Variants in CRIP2 observed in about 807,000 individuals in gnomAD.
CRIP2 encodes the protein cysteine rich protein 2.
A neutral mutation model predicts 31.3 loss-of-function variants in CRIP2; 31 were observed. That is an observed-to-expected ratio of 0.99 (90% confidence interval 0.74 to 1.34). The LOEUF is 1.34. Ranked by LOEUF, CRIP2 falls within the 40% of genes most tolerant of loss-of-function variation. The pLI is 0.00. For synonymous variants in CRIP2, 177 were observed against 127.2 expected, an observed-to-expected ratio of 1.39 and a Z score of -2.63; for missense variants, 389 against 301.6, an observed-to-expected ratio of 1.29 and a Z score of -2.15.
Position 105,476,145 on chromosome 14 carries a change from G to C in CRIP2, c.43+1240G>C, listed in dbSNP as rs1285805053. The C allele has an allele frequency of 8.1e-6, 8 of 985,338 alleles. No homozygotes were observed. The African/African-American group carries it at 1.4e-4, about 17-fold the overall frequency. 61.0% of individuals were successfully genotyped at this position (985,338 alleles called of 1,614,324 possible). A position where few individuals can be genotyped will look rare whatever the true frequency, so the allele number is the denominator to read the frequency against. ...GAGGGCTGTCTCTGTAAGGCTTAGG[G>C]TGGGAGACGGTCCCCAGGGCCCTTC... On this transcript the variant is annotated intron_variant, in intron 1 of 7. Transcript: ENST00000329146.
chr14:105,478,556 G>A lies in CRIP2; in HGVS notation c.196+49G>A, dbSNP rs782594564. 8 of 1,577,806 alleles carry A rather than the reference G, an allele frequency of 5.1e-6. No homozygotes were observed. Among genetic ancestry groups the A allele is most frequent in the Non-Finnish European group, 6.9e-6 (8 of 1,163,596 alleles). On this transcript the variant is annotated intron_variant, in intron 3 of 7. Transcript: ENST00000329146. This position sits in a 1 kb window ranked among gnomAD's most constrained non-coding sequence, Gnocchi z 4.9. ...TGCCCTGGGACCTGCTGGGAGGGGC[G>A]TGGCGCTGGCGCTGGGGAGGGCTGG...
At chr14:105,476,669 C>G (rs587671353) in intron 1 of CRIP2, 2 of 985,402 alleles carry the variant, frequency 2.0e-6, no homozygotes, top group South Asian at 4.7e-5. Flanking sequence ...CTGCCACGGC[C>G]GATAGCCACC....
intron 1 of CRIP2, among the ~76,000 whole-genome samples, chr14:105,477,777 G>A (rs1452007558): frequency 3.3e-5 from 2 of 61,450 alleles, no homozygotes; most frequent in Non-Finnish European, 7.1e-5. Context: ...TGTGTGAGAG[G>A]AAGGTGTGTG....
Position 105,479,238 on chromosome 14 carries a change from G to A in CRIP2, c.501+19G>A. On this transcript the variant is annotated intron_variant, in intron 6 of 7. Coordinates refer to ENST00000329146, the MANE Select transcript of CRIP2 (RefSeq NM_001312.4). Reference sequence around the variant, plus strand: ...CGCGGAGGTGAGGGGAGTGCAACGGGGCTTGGGGGCCGGGCAGGGGCGCGG... The same window carrying A: ...CGCGGAGGTGAGGGGAGTGCAACGGAGCTTGGGGGCCGGGCAGGGGCGCGG... 6.2e-7 allele frequency: 1 copy of A among 1,602,304 alleles called. No homozygotes were observed. Among genetic ancestry groups the A allele is most frequent in the Non-Finnish European group, 8.5e-7 (1 of 1,175,268 alleles).
Position 105,478,780 on chromosome 14 carries a change from G to C in CRIP2, c.246G>C (p.Ala82=), listed in dbSNP as rs1555436510. The C allele has an allele frequency of 7.0e-7, 1 of 1,432,720 alleles. No individual in the cohort carries two copies. Among genetic ancestry groups the C allele is most frequent in the Non-Finnish European group, 9.1e-7 (1 of 1,099,980 alleles). The allele number at this position is 1,432,720 out of a possible 1,614,324, so 88.8% of individuals were successfully genotyped here. A position where few individuals can be genotyped will look rare whatever the true frequency, so the allele number is the denominator to read the frequency against. The part of the protein sequence containing the change: ...AGSYIYEKPL[A]EGPQVTGPIE... Reference sequence around the variant, plus strand: ...CCTACATCTACGAGAAGCCCCTGGCGGAGGGGCCGCAGGTCACCGGCCCCA... The same window carrying C: ...CCTACATCTACGAGAAGCCCCTGGCCGAGGGGCCGCAGGTCACCGGCCCCA... The change falls in exon 4 of 8, where the codon GCG becomes GCC. Residue 82 remains alanine (A), a synonymous_variant. Coordinates refer to ENST00000329146, the MANE Select transcript of CRIP2 (RefSeq NM_001312.4). This position sits in a 1 kb window ranked among gnomAD's most constrained non-coding sequence, Gnocchi z 4.9.
At chr14:105,474,602 C>T (rs2141743832), upstream of CRIP2, 1 of 186,040 alleles carries the variant, frequency 5.4e-6, no homozygotes, top group Middle Eastern at 2.7e-3. This position sits in a 1 kb window ranked among gnomAD's most constrained non-coding sequence, Gnocchi z 5.1. Context: ...GGGCGGGCCC[C>T]TGTAGACGCC....
In CRIP2 at chr14:105,478,490, C is replaced by A; in HGVS notation, c.179C>A (p.Thr60Asn). 2 of 1,609,146 alleles carry A rather than the reference C, an allele frequency of 1.2e-6. No individual in the cohort carries two copies. Among genetic ancestry groups the A allele is most frequent in the Non-Finnish European group, 1.7e-6 (2 of 1,179,106 alleles). Residue 60 changes from threonine (T) to asparagine (N), a missense_variant, in exon 3 of 8, where the codon ACC (threonine) becomes AAC (asparagine). Coordinates refer to ENST00000329146, the MANE Select transcript of CRIP2 (RefSeq NM_001312.4). This position sits in a 1 kb window ranked among gnomAD's most constrained non-coding sequence, Gnocchi z 4.9. ...KPFCHKPCYA[T>N]LFGPKGVNIG... ...TTCTGCCACAAGCCGTGCTACGCCA[C>A]CCTGTTCGGACCCAAAGGTGAGCTC...
upstream of CRIP2, chr14:105,473,377 G>A (rs1555435150): frequency 6.5e-7 from 1 of 1,535,726 alleles, no homozygotes; most frequent in Non-Finnish European, 8.7e-7. Flanking sequence ...GGAAATGGCA[G>A]TGGCTGCAGG....
At chr14:105,473,555 G>C, upstream of CRIP2, 1 of 1,514,424 alleles carries the variant, frequency 6.6e-7, no homozygotes, top group Non-Finnish European at 8.8e-7. Context: ...GACACAGGGG[G>C]AAGGGTGTCC....
chr14:105,479,762 C>A lies in CRIP2; in HGVS notation c.*109C>A. ...TCAGCCGCCCAGTCCTGCCTGCAAG[C>A]CCAGGGCGAGTATTGGAGGAGGGGC... On this transcript the variant is annotated 3_prime_UTR_variant, in exon 8 of 8. Coordinates refer to ENST00000329146, the MANE Select transcript of CRIP2 (RefSeq NM_001312.4). The A allele has an allele frequency of 8.0e-7, 1 of 1,251,306 alleles. No homozygotes were observed. The highest frequency in any genetic ancestry group is 1.1e-6 in the Non-Finnish European group (1 of 893,858). 77.5% of individuals were successfully genotyped at this position (1,251,306 alleles called of 1,614,324 possible).
At chr14:105,479,349 G>T in intron 6 of CRIP2, 87 bp from the exon 7 acceptor site, 1 of 1,580,524 alleles carries the variant, frequency 6.3e-7, no homozygotes, top group Non-Finnish European at 8.6e-7. Context: ...CCCCCACGGC[G>T]AGCCGGCCTG....
Position 105,475,040 on chromosome 14 carries a change from C to T in CRIP2, c.43+135C>T, listed in dbSNP as rs587653614. On this transcript the variant is annotated intron_variant, in intron 1 of 7. Coordinates refer to ENST00000329146, the MANE Select transcript of CRIP2 (RefSeq NM_001312.4). The stretch of plus-strand genomic sequence containing the variant: ...GGACCGAGGATGCGCGTCCCGGAGG[C>T]TGGCTGGCCGCGCTGCCCAAGCGGC... The T allele has an allele frequency of 7.4e-4, 800 of 1,081,420 alleles. 10 individuals are homozygous for T. The African/African-American group carries it at 0.012, about 16-fold the overall frequency. The allele number at this position is 1,081,420 out of a possible 1,614,324, so 67.0% of individuals were successfully genotyped here.
intron 1 of CRIP2, chr14:105,476,539 T>C (rs2141750049): frequency 1.0e-6 from 1 of 985,486 alleles, no homozygotes; most frequent in South Asian, 4.7e-5. Context: ...TGTTCCCAAC[T>C]CGGACCCGTA....
At chr14:105,474,703 CCCCCAGGCGG>C (rs1567059145), upstream of CRIP2, 12 of 952,550 alleles carry the variant, frequency 1.3e-5, no homozygotes, top group Admixed American at 6.3e-5. The surrounding 1 kb of genome is among the most constrained non-coding windows in gnomAD (Gnocchi z 5.1). Flanking sequence ...CCCCGCGGCG[CCCCCAGGCGG>C]CCCCCAGCCC....
rs1002740023 is a variant in CRIP2 at position 105,478,188 on chromosome 14, G to C, written c.44-78G>C. 1.6e-5 allele frequency: 19 copies of C among 1,176,404 alleles called. No homozygotes were observed. The highest frequency in any genetic ancestry group is 1.9e-5 in the Non-Finnish European group (17 of 871,850). The allele number at this position is 1,176,404 out of a possible 1,614,324, so 72.9% of individuals were successfully genotyped here. A position where few individuals can be genotyped will look rare whatever the true frequency, so the allele number is the denominator to read the frequency against. On this transcript the variant is annotated intron_variant, in intron 1 of 7. Transcript: ENST00000329146. The surrounding 1 kb of genome is among the most constrained non-coding windows in gnomAD (Gnocchi z 4.9). ...GTGGGGACCCCCGGAGCGCGTGGGGGTGGTGGCTGCCAGGTGGGGGCGGAG... is the reference window on the plus strand; with the variant it reads ...GTGGGGACCCCCGGAGCGCGTGGGGCTGGTGGCTGCCAGGTGGGGGCGGAG...
At chr14:105,475,175 G>A (rs1466538350) in intron 1 of CRIP2, 3 of 353,282 alleles carry the variant, frequency 8.5e-6, no homozygotes, top group Admixed American at 9.9e-5. Flanking sequence ...TGGTGCCCCG[G>A]GATGAGGCCA....
In CRIP2 at chr14:105,479,833, C is replaced by T. The variant is rs2084053509; in HGVS notation, c.*180C>T. On this transcript the variant is annotated 3_prime_UTR_variant, in exon 8 of 8. Coordinates refer to ENST00000329146, the MANE Select transcript of CRIP2 (RefSeq NM_001312.4). ...GCCCATCCCCGAGTCTCTGGTGTGT[C>T]TGCCCCCTCTGGCATCCTCTGGGCG... 1.5e-6 allele frequency: 1 copy of T among 654,682 alleles called. No homozygotes were observed. Among genetic ancestry groups the T allele is most frequent in the Non-Finnish European group, 2.7e-6 (1 of 377,348 alleles). The allele number at this position is 654,682 out of a possible 1,614,324, so 40.6% of individuals were successfully genotyped here. A position where few individuals can be genotyped will look rare whatever the true frequency, so the allele number is the denominator to read the frequency against.
At chr14:105,474,634 G>C (rs2083892946), upstream of CRIP2, 1 of 291,226 alleles carries the variant, frequency 3.4e-6, no homozygotes. The surrounding 1 kb of genome is among the most constrained non-coding windows in gnomAD (Gnocchi z 5.1). Context: ...GAGGGGCCCG[G>C]GGGCGCCAGG....
chr14:105,477,503 C>A, intron 1 of CRIP2: 1 of 984,588 alleles, frequency 1.0e-6, no homozygotes, highest in Non-Finnish European at 1.2e-6. Flanking sequence ...GCTGCCAGCC[C>A]CATCAGGGCC....
Sources: allele counts gnomAD v4.1 joint callset (sites outside exome capture counted in the v4.1 genomes callset), GRCh38; gene constraint gnomAD v4.1.1; non-coding constraint Gnocchi (gnomAD v3.1); transcripts MANE v1.5; gene names NCBI Gene and HGNC (gene_info 2026-07-23, HGNC 2026-07-21).